SEMA3E: variants seen among roughly 807,000 people sequenced by gnomAD.
The protein encoded by SEMA3E is semaphorin 3E, also known as semaphorin-3E.
SEMA3E carries 49 observed loss-of-function variants against 93.6 expected under a neutral mutation model. The ratio of observed to expected loss-of-function variants is 0.52; its 90% confidence interval spans 0.42 to 0.66. The LOEUF (loss-of-function observed/expected upper bound fraction) is 0.66. SEMA3E is among the 30% of genes least tolerant of loss of function. SEMA3E has a pLI of 0.00. For synonymous variants in SEMA3E, 363 were observed against 330.7 expected, an observed-to-expected ratio of 1.10 and a Z score of -1.06; for missense variants, 906 against 964.8, an observed-to-expected ratio of 0.94 and a Z score of 0.81.
chr7:83,575,269 T>C (rs1401565441), intron 1 of SEMA3E, among the ~76,000 whole-genome samples: 2 of 151,596 alleles, frequency 1.3e-5, no homozygotes, highest in Admixed American at 1.3e-4. Flanking sequence ...TTGAAATTGC[T>C]CTTTAGATAG....
At chr7:83,501,453 C>CT (rs1000841910) in intron 1 of SEMA3E, among the ~76,000 whole-genome samples, 6 of 151,874 alleles carry the variant, frequency 4.0e-5, no homozygotes, top group African/African-American at 9.7e-5. Context: ...CTATCATCTA[C>CT]TTTTTTTTGT....
intron 14 of SEMA3E, among the ~76,000 whole-genome samples, chr7:83,387,989 ATG>A: frequency 6.8e-6 from 1 of 146,520 alleles, no homozygotes; most frequent in Non-Finnish European, 1.5e-5. Context: ...TATATATATT[ATG>A]TATATAATAT....
chr7:83,439,087 T>C (rs1789058897), intron 4 of SEMA3E, among the ~76,000 whole-genome samples: 1 of 152,204 alleles, frequency 6.6e-6, no homozygotes, highest in Admixed American at 6.5e-5. Context: ...AAGGAAGTCA[T>C]AGTCTCGTTT....
At chr7:83,385,267 T>C in intron 16 of SEMA3E, 27 bp downstream of exon 16, 1 of 1,611,988 alleles carries the variant, frequency 6.2e-7, no homozygotes, top group Non-Finnish European at 8.5e-7. Context: ...CAAAATACTA[T>C]GTTTTGAATA....
At chr7:83,514,369 A>G (rs1790885536) in intron 1 of SEMA3E, among the ~76,000 whole-genome samples, 1 of 152,196 alleles carries the variant, frequency 6.6e-6, no homozygotes, top group Non-Finnish European at 1.5e-5. Flanking sequence ...CGTGAGATCC[A>G]AGAGCAAAGG....
chr7:83,597,186 A>G (rs574566376), intron 1 of SEMA3E, among the ~76,000 whole-genome samples: 5 of 152,160 alleles, frequency 3.3e-5, no homozygotes, highest in African/African-American at 4.8e-5. Flanking sequence ...TCTGATACCA[A>G]CAATGTGGTT....
At chr7:83,453,607 C>G (rs536809870) in intron 4 of SEMA3E, among the ~76,000 whole-genome samples, 3 of 152,218 alleles carry the variant, frequency 2.0e-5, no homozygotes, top group East Asian at 1.9e-4. Context: ...TAGGGGAATA[C>G]TCATTACCTT....
At chr7:83,374,893 T>A (rs535244147) in intron 16 of SEMA3E, among the ~76,000 whole-genome samples, 182 of 151,890 alleles carry the variant, frequency 1.2e-3, no homozygotes, top group Non-Finnish European at 2.2e-3. Context: ...TACCATAAAC[T>A]AAATCGTATG....
At chr7:83,598,566 C>T (rs947373370) in intron 1 of SEMA3E, among the ~76,000 whole-genome samples, 13 of 152,096 alleles carry the variant, frequency 8.5e-5, no homozygotes, top group African/African-American at 2.2e-4. Context: ...AATGGTGAGT[C>T]GATGCTATTG....
At chr7:83,576,330 G>A (rs781702931) in intron 1 of SEMA3E, among the ~76,000 whole-genome samples, 1 of 151,988 alleles carries the variant, frequency 6.6e-6, no homozygotes, top group Non-Finnish European at 1.5e-5. Context: ...TGTAAATATT[G>A]AGTAACTCAT....
intron 1 of SEMA3E, among the ~76,000 whole-genome samples, chr7:83,524,582 G>A (rs933925100): frequency 2.6e-5 from 4 of 151,936 alleles, no homozygotes; most frequent in African/African-American, 4.8e-5. Context: ...GTGAGCTCTC[G>A]TGCTATTAAA....
chr7:83,557,668 A>G (rs1349289664), intron 1 of SEMA3E, among the ~76,000 whole-genome samples: 1 of 152,172 alleles, frequency 6.6e-6, no homozygotes, highest in Non-Finnish European at 1.5e-5. Flanking sequence ...ATGTCAGTAA[A>G]GATGCTAACA....
chr7:83,435,953 A>G (rs1293344848), intron 4 of SEMA3E, among the ~76,000 whole-genome samples: 1 of 152,146 alleles, frequency 6.6e-6, no homozygotes, highest in Non-Finnish European at 1.5e-5. Flanking sequence ...ACTTTAAAGT[A>G]GCAACAAGTT....
intron 1 of SEMA3E, among the ~76,000 whole-genome samples, chr7:83,627,686 C>T (rs1418155537): frequency 4.6e-5 from 6 of 131,196 alleles, no homozygotes; most frequent in African/African-American, 1.7e-4. Context: ...TTCCTACAAC[C>T]CTTTATTTTG....
At chr7:83,498,322 C>A (rs1490889846) in intron 1 of SEMA3E, among the ~76,000 whole-genome samples, 2 of 152,132 alleles carry the variant, frequency 1.3e-5, no homozygotes, top group Admixed American at 1.3e-4. Context: ...GTATATTGAA[C>A]ATCCACTGTG....
At chr7:83,559,223 G>A (rs1791978462) in intron 1 of SEMA3E, among the ~76,000 whole-genome samples, 3 of 152,000 alleles carry the variant, frequency 2.0e-5, no homozygotes, top group African/African-American at 7.2e-5. Flanking sequence ...TTCTCCCATA[G>A]AAGGATAGCT....
chr7:83,580,428 TCTC>T (rs1792495985), intron 1 of SEMA3E, among the ~76,000 whole-genome samples: 1 of 152,048 alleles, frequency 6.6e-6, no homozygotes, highest in South Asian at 2.1e-4. Context: ...ATTTCTATTC[TCTC>T]AACAAATGCT....
chr7:83,388,808 CTTT>C (rs5885347), intron 14 of SEMA3E, among the ~76,000 whole-genome samples: 1 of 141,156 alleles, frequency 7.1e-6, no homozygotes, highest in Admixed American at 7.2e-5. Flanking sequence ...CTATTTCAGT[CTTT>C]TTTTTTTTTT....
rs1791590084 is a variant in SEMA3E, at chr7:83,543,958, A to T, written c.116-53684T>A. Among the ~76,000 whole-genome samples, 4 of 152,052 alleles carry T rather than the reference A, an allele frequency of 2.6e-5. No homozygotes were observed. In the South Asian group the frequency reaches 8.3e-4, roughly 31 times the overall value. ...TTAGGTCAAACATTCTTTATTCATT[A>T]TATTTTTGATGTAACCTTCCCTCCC... On this transcript the variant is annotated intron_variant, in intron 1 of 16. Transcript: ENST00000643230.
Sources: gnomAD v4.1 joint callset for allele counts (sites outside exome capture counted in the v4.1 genomes callset) on GRCh38, gnomAD v4.1.1 for gene constraint, MANE v1.5 for transcripts, NCBI Gene and HGNC (gene_info 2026-07-23, HGNC 2026-07-21) for gene names.